The following RAB10 variants were observed in gnomAD, a reference collection of about 807,000 sequenced individuals.
RAB10 encodes the protein ras-related protein Rab-10.
Under a neutral mutation model 25.7 loss-of-function variants are expected in RAB10, and 5 were observed. That is an observed-to-expected ratio of 0.19 (90% CI 0.10 to 0.41). RAB10 has a LOEUF of 0.41. Among genes scored for constraint, RAB10 ranks in the 10% least tolerant of loss-of-function variants. The probability of loss-of-function intolerance (pLI) is 1.00; values close to 1 mark genes in which losing one functional copy is unlikely to be tolerated. For synonymous variants in RAB10, 89 were observed against 86.4 expected (o/e 1.03, Z -0.16); for missense variants, 103 against 245.8 (o/e 0.42, Z 3.89).
At position 26,034,501 on chromosome 2, in the gene RAB10, G is replaced by A. The variant is rs958829784; in HGVS notation, c.-108G>A. The stretch of plus-strand genomic sequence containing the variant: ...GCGCCGTCTCGAGCCTTTTTCCCAC[G>A]CTTCCCCGGTCCTCCGGCCTGAGAA... On this transcript the variant is annotated 5_prime_UTR_variant, in exon 1 of 6. Coordinates refer to ENST00000264710, the MANE Select transcript of RAB10 (RefSeq NM_016131.5). 1 of 1,470,746 alleles carries A rather than the reference G, an allele frequency of 6.8e-7. No individual in the cohort carries two copies. The highest frequency in any genetic ancestry group is 2.2e-5 in the Admixed American group (1 of 45,460). 91.1% of individuals were successfully genotyped at this position (1,470,746 alleles called of 1,614,324 possible).
At chr2:26,049,380 A>T (rs1353964669) in intron 1 of RAB10, among the ~76,000 whole-genome samples, 4 of 151,438 alleles carry the variant, frequency 2.6e-5, no homozygotes, top group African/African-American at 9.7e-5. Flanking sequence ...GCCGTAATTT[A>T]CACTGCGCTT....
chr2:26,066,806 G>A (rs1443133056), intron 1 of RAB10, among the ~76,000 whole-genome samples: 1 of 133,298 alleles, frequency 7.5e-6, no homozygotes, highest in Non-Finnish European at 1.5e-5. Flanking sequence ...TTTTTGATAC[G>A]GAGTCTCACT....
intron 1 of RAB10, among the ~76,000 whole-genome samples, chr2:26,060,356 G>T (rs1020876082): frequency 1.3e-5 from 2 of 151,942 alleles, no homozygotes; most frequent in East Asian, 3.9e-4. Context: ...GCAGTGGCAC[G>T]ATCTCGGCTC....
intron 1 of RAB10, among the ~76,000 whole-genome samples, chr2:26,038,187 C>CTTTG (rs200674533): frequency 6.7e-6 from 1 of 149,320 alleles, no homozygotes; most frequent in Non-Finnish European, 1.5e-5. Flanking sequence ...CACTGCCCTC[C>CTTTG]TTTGTTTGTT....
At chr2:26,043,264 C>G (rs1361299420) in intron 1 of RAB10, among the ~76,000 whole-genome samples, 1 of 152,034 alleles carries the variant, frequency 6.6e-6, no homozygotes, top group Non-Finnish European at 1.5e-5. Flanking sequence ...ACCAAGAAAC[C>G]CCCCAAAATT....
intron 1 of RAB10, among the ~76,000 whole-genome samples, chr2:26,094,214 C>T (rs953825297): frequency 8.3e-6 from 1 of 120,500 alleles, no homozygotes; most frequent in African/African-American, 3.1e-5. Context: ...AAAAAAAGCC[C>T]CCTTATTTCA....
intron 3 of RAB10, among the ~76,000 whole-genome samples, chr2:26,119,816 G>A (rs1187917132): frequency 1.3e-5 from 2 of 152,190 alleles, no homozygotes; most frequent in African/African-American, 2.4e-5. Flanking sequence ...ACTGTGCCCA[G>A]CAGGCTTACT....
chr2:26,125,510 G>A (rs190075828), intron 3 of RAB10, among the ~76,000 whole-genome samples: 1 of 147,200 alleles, frequency 6.8e-6, no homozygotes, highest in Non-Finnish European at 1.5e-5. Flanking sequence ...ACAGAGGCAT[G>A]ATGATCATGG....
At chr2:26,082,083 A>G (rs569866476) in intron 1 of RAB10, among the ~76,000 whole-genome samples, 5 of 152,310 alleles carry the variant, frequency 3.3e-5, no homozygotes, top group Non-Finnish European at 4.4e-5. Flanking sequence ...TTAAAAGATA[A>G]TTGTTTACAG....
chr2:26,033,885 G>A (rs1665694041), upstream of RAB10, among the ~76,000 whole-genome samples: 1 of 152,242 alleles, frequency 6.6e-6, no homozygotes, highest in Non-Finnish European at 1.5e-5. Flanking sequence ...CTATCAGGCG[G>A]CCACAGGGAG....
At chr2:26,077,247 A>G (rs530837663) in intron 1 of RAB10, among the ~76,000 whole-genome samples, 2 of 152,226 alleles carry the variant, frequency 1.3e-5, no homozygotes, top group Non-Finnish European at 2.9e-5. Flanking sequence ...TGTATTACAA[A>G]TATAGATATT....
chr2:26,116,218 A>G (rs1001300791), intron 3 of RAB10, among the ~76,000 whole-genome samples: 1 of 152,004 alleles, frequency 6.6e-6, no homozygotes, highest in African/African-American at 2.4e-5. Flanking sequence ...GTGTCTCACC[A>G]TGTTGCCCGG....
At position 26,081,781 on chromosome 2, in the gene RAB10, A is replaced by G. The variant is rs896585929; in HGVS notation, c.128-16881A>G. 3.3e-5 allele frequency among the ~76,000 whole-genome samples: 5 copies of G among 152,240 alleles called. No homozygotes were observed. In the South Asian group the frequency reaches 1.0e-3, roughly 31 times the overall value. On this transcript the variant is annotated intron_variant, in intron 1 of 5. Transcript: ENST00000264710. ...AAAAAAGGAATTTAAAAAAGGAAAC[A>G]ATGTAAGCCGCAAGACAATGGAGTA...
intron 3 of RAB10, among the ~76,000 whole-genome samples, chr2:26,115,764 T>C (rs1667673802): frequency 6.6e-6 from 1 of 152,224 alleles, no homozygotes; most frequent in African/African-American, 2.4e-5. Flanking sequence ...TGTTATTTTT[T>C]TAAAAACTGA....
At chr2:26,103,786 G>C (rs913391058) in intron 2 of RAB10, among the ~76,000 whole-genome samples, 2 of 151,994 alleles carry the variant, frequency 1.3e-5, no homozygotes, top group Non-Finnish European at 2.9e-5. Flanking sequence ...AACTTTGTCT[G>C]TATAAAATTT....
At chr2:26,103,833 A>G (rs1290993773) in intron 2 of RAB10, among the ~76,000 whole-genome samples, 1 of 152,146 alleles carries the variant, frequency 6.6e-6, no homozygotes. Context: ...GAATCATATA[A>G]TATATGGTCT....
intron 5 of RAB10, among the ~76,000 whole-genome samples, chr2:26,133,221 C>T (rs781003123): frequency 1.3e-5 from 2 of 151,928 alleles, no homozygotes; most frequent in African/African-American, 2.4e-5. Flanking sequence ...AAGCCCTTAA[C>T]TTTATATTGT....
intron 1 of RAB10, among the ~76,000 whole-genome samples, chr2:26,051,318 A>G (rs957130838): frequency 1.2e-5 from 1 of 83,954 alleles, no homozygotes; most frequent in African/African-American, 4.4e-5. Flanking sequence ...GTTTTCTTCT[A>G]TTTCTTACTT....
intron 5 of RAB10, among the ~76,000 whole-genome samples, chr2:26,133,384 A>G (rs1282362479): frequency 1.3e-5 from 2 of 152,196 alleles, no homozygotes; most frequent in Admixed American, 1.3e-4. Context: ...TTCCATGTAT[A>G]TGAAGGTTAG....
Sources: gnomAD v4.1 joint callset for allele counts (sites outside exome capture counted in the v4.1 genomes callset) on GRCh38, gnomAD v4.1.1 for gene constraint, MANE v1.5 for transcripts, NCBI Gene and HGNC (gene_info 2026-07-23, HGNC 2026-07-21) for gene names.